PSD3: variants seen among roughly 807,000 people sequenced by gnomAD.
The protein encoded by PSD3 is PH and SEC7 domain-containing protein 3.
A neutral mutation model predicts 105.5 loss-of-function variants in PSD3; 49 were observed. The ratio of observed to expected loss-of-function variants is 0.46; its 90% CI spans 0.37 to 0.59. PSD3 has a LOEUF of 0.59. Among genes scored for constraint, PSD3 ranks in the 20% least tolerant of loss-of-function variants. The pLI, the probability that PSD3 is intolerant of heterozygous loss-of-function variation, is 0.00. For synonymous variants in PSD3, 557 were observed against 457.8 expected (o/e 1.22, Z -2.77); for missense variants, 1,561 against 1,263.8 (o/e 1.24, Z -3.57).
intron 12 of PSD3, among the ~76,000 whole-genome samples, chr8:18,583,305 G>A (rs1378309336): frequency 6.6e-6 from 1 of 152,018 alleles, no homozygotes; most frequent in Non-Finnish European, 1.5e-5. Context: ...CAGGTGTGGT[G>A]GTGGTCCCAG....
chr8:18,900,570 C>G (rs919573889), intron 2 of PSD3, among the ~76,000 whole-genome samples: 1 of 151,444 alleles, frequency 6.6e-6, no homozygotes, highest in Non-Finnish European at 1.5e-5. Context: ...TGTATGGGTT[C>G]CACGGTGTTA....
At chr8:18,824,837 G>C (rs552318031) in intron 4 of PSD3, among the ~76,000 whole-genome samples, 4 of 152,106 alleles carry the variant, frequency 2.6e-5, no homozygotes, top group Non-Finnish European at 5.9e-5. Flanking sequence ...TTCAGCCAGC[G>C]TGCCAGGGCA....
intron 1 of PSD3, among the ~76,000 whole-genome samples, chr8:19,052,077 G>A (rs1394702445): frequency 6.6e-6 from 1 of 152,214 alleles, no homozygotes; most frequent in East Asian, 1.9e-4. Flanking sequence ...AAGGTCTGCA[G>A]GGAGGAGCAA....
chr8:18,670,750 T>C (rs1799739812), intron 9 of PSD3, among the ~76,000 whole-genome samples: 1 of 152,162 alleles, frequency 6.6e-6, no homozygotes, highest in South Asian at 2.1e-4. Context: ...TGTTACGGTA[T>C]GTTTCCATTT....
At chr8:19,064,885 G>C (rs534886204) in intron 1 of PSD3, among the ~76,000 whole-genome samples, 2 of 152,296 alleles carry the variant, frequency 1.3e-5, no homozygotes, top group East Asian at 1.9e-4. Context: ...TACTTCCATT[G>C]TATTAAATAA....
rs76199890 is a variant in PSD3 at position 18,811,463 on chromosome 8, C to T, written c.1635-6565G>A. Among the ~76,000 whole-genome samples, 614 of 151,976 alleles carry T rather than the reference C, an allele frequency of 4.0e-3. 2 individuals are homozygous for T. The highest frequency in any genetic ancestry group is 0.014 in the African/African-American group (578 of 41,422). On this transcript the variant is annotated intron_variant, in intron 4 of 15. Coordinates refer to ENST00000327040, the MANE Select transcript of PSD3 (RefSeq NM_015310.4). Reference sequence around the variant, plus strand: ...CTTCTACCCTGGGTGGGGAGGGGAGCTAAAAATAAAGAATTTAATAAATAA... The same window carrying T: ...CTTCTACCCTGGGTGGGGAGGGGAGTTAAAAATAAAGAATTTAATAAATAA...
At chr8:19,016,604 A>G (rs1480439794), upstream of PSD3, among the ~76,000 whole-genome samples, 2 of 152,238 alleles carry the variant, frequency 1.3e-5, no homozygotes, top group Non-Finnish European at 2.9e-5. Context: ...CCTACATAAT[A>G]TTTTGTAGTA....
At chr8:18,791,354 C>G (rs1447775120) in intron 8 of PSD3, among the ~76,000 whole-genome samples, 1 of 152,106 alleles carries the variant, frequency 6.6e-6, no homozygotes, top group African/African-American at 2.4e-5. Flanking sequence ...GTAACCCAAA[C>G]AACATGGTAC....
chr8:19,083,007 G>C (rs568899313), intron 1 of PSD3, among the ~76,000 whole-genome samples: 26 of 152,282 alleles, frequency 1.7e-4, no homozygotes, highest in Non-Finnish European at 3.4e-4. Context: ...GCCTGCAGGA[G>C]AGGGCATGGT....
At chr8:18,877,937 T>G (rs913242765) in intron 2 of PSD3, among the ~76,000 whole-genome samples, 15 of 152,198 alleles carry the variant, frequency 9.9e-5, no homozygotes, top group Admixed American at 3.9e-4. Context: ...ACCTTGTTCT[T>G]CCTTTTTCAG....
intron 14 of PSD3, among the ~76,000 whole-genome samples, chr8:18,566,708 T>C (rs1801788264): frequency 6.6e-6 from 1 of 152,206 alleles, no homozygotes; most frequent in South Asian, 2.1e-4. Context: ...TTGTCTTACA[T>C]GATACTGCAG....
chr8:18,680,727 G>A (rs1386454740), intron 9 of PSD3, among the ~76,000 whole-genome samples: 3 of 152,170 alleles, frequency 2.0e-5, no homozygotes, highest in African/African-American at 7.2e-5. Context: ...GGAGAAGGGG[G>A]TTTTAAAGAA....
rs76242256 is a variant in PSD3 at position 18,851,590 on chromosome 8, T to A, written c.1634+16084A>T. Among the ~76,000 whole-genome samples, 59 of 152,356 alleles carry A rather than the reference T, an allele frequency of 3.9e-4. 1 individual carries two copies. In the East Asian group the frequency reaches 0.01, roughly 27 times the overall value. ...ACAGCAGCATGGCTGGAGCTAGACC[T>A]GTCAAGCACATTCGGCTCTTGGTGA... On this transcript the variant is annotated intron_variant, in intron 4 of 15. Coordinates refer to ENST00000327040, the MANE Select transcript of PSD3 (RefSeq NM_015310.4).
At chr8:19,040,798 G>A (rs1000585244) in intron 1 of PSD3, among the ~76,000 whole-genome samples, 48 of 152,166 alleles carry the variant, frequency 3.2e-4, no homozygotes, top group African/African-American at 1.1e-3. Flanking sequence ...AAGAAATCAG[G>A]AATGTTGTCC....
At chr8:18,785,663 G>A (rs1809072550) in intron 8 of PSD3, among the ~76,000 whole-genome samples, 1 of 152,132 alleles carries the variant, frequency 6.6e-6, no homozygotes, top group South Asian at 2.1e-4. Context: ...TCTGGTGCAA[G>A]AGGCCTAGCT....
At chr8:18,850,558 C>T (rs1169781324) in intron 4 of PSD3, among the ~76,000 whole-genome samples, 1 of 152,186 alleles carries the variant, frequency 6.6e-6, no homozygotes, top group Non-Finnish European at 1.5e-5. Context: ...GAAGTTCAGC[C>T]TCATTACTCA....
At chr8:18,792,749 A>G (rs947232308) in intron 8 of PSD3, among the ~76,000 whole-genome samples, 10 of 152,216 alleles carry the variant, frequency 6.6e-5, no homozygotes, top group Non-Finnish European at 1.3e-4. Context: ...TAGTTCAACC[A>G]TTGTGGAAGA....
intron 9 of PSD3, among the ~76,000 whole-genome samples, chr8:18,743,876 G>A (rs1804771456): frequency 6.6e-6 from 1 of 151,576 alleles, no homozygotes; most frequent in Non-Finnish European, 1.5e-5. Context: ...GATCCCTTGA[G>A]CCCAGGAATT....
chr8:18,850,571 T>C (rs1301040967), intron 4 of PSD3, among the ~76,000 whole-genome samples: 1 of 152,252 alleles, frequency 6.6e-6, no homozygotes, highest in Non-Finnish European at 1.5e-5. Context: ...ATTACTCACT[T>C]GTCCTATGTT....
Sources: allele counts gnomAD v4.1 joint callset (sites outside exome capture counted in the v4.1 genomes callset), GRCh38; gene constraint gnomAD v4.1.1; transcripts MANE v1.5; gene names NCBI Gene and HGNC (gene_info 2026-07-23, HGNC 2026-07-21).